Variants in LRRN2 observed in about 807,000 individuals in gnomAD.
LRRN2 encodes the protein leucine-rich repeat neuronal protein 2.
LRRN2 carries 10 observed loss-of-function variants against 35.7 expected under a neutral mutation model. The observed-to-expected ratio is 0.28, with a 90% confidence interval of 0.17 to 0.47. The LOEUF is 0.47. Among genes scored for constraint, LRRN2 ranks in the 20% least tolerant of loss-of-function variants. The pLI, the probability that LRRN2 is intolerant of heterozygous loss-of-function variation, is 0.99. For synonymous variants in LRRN2, 391 were observed against 409.6 expected, an observed-to-expected ratio of 0.95 and a Z score of 0.55; for missense variants, 731 against 940.3, an observed-to-expected ratio of 0.78 and a Z score of 2.91.
At position 204,630,320 on chromosome 1, in the gene LRRN2, G is replaced by C. The variant is rs75991709; in HGVS notation, c.-226-10102C>G. On this transcript the variant is annotated intron_variant, in intron 1 of 1. Coordinates refer to ENST00000367177, the MANE Select transcript of LRRN2 (RefSeq NM_201630.2). ...TCAGGGAAGGGTCGGGTGGGGGTGGGTGAGGCCTGGTCGGAGGGGCTGGGC... is the reference window on the plus strand; with the variant it reads ...TCAGGGAAGGGTCGGGTGGGGGTGGCTGAGGCCTGGTCGGAGGGGCTGGGC... Among the ~76,000 whole-genome samples, 656 of 150,780 alleles carry C rather than the reference G, an allele frequency of 4.4e-3. 8 individuals are homozygous for C. The highest frequency in any genetic ancestry group is 4.8e-3 in the Non-Finnish European group (322 of 67,680).
chr1:204,644,034 A>G (rs1668043876), intron 1 of LRRN2, among the ~76,000 whole-genome samples: 1 of 152,154 alleles, frequency 6.6e-6, no homozygotes, highest in Non-Finnish European at 1.5e-5. Flanking sequence ...AGTATCTAGC[A>G]TGCAACAGGC....
chr1:204,636,384 G>A (rs534061003), intron 1 of LRRN2, among the ~76,000 whole-genome samples: 13 of 152,290 alleles, frequency 8.5e-5, no homozygotes, highest in African/African-American at 2.6e-4. Context: ...TTTGCATCCC[G>A]TTATCTCTGT....
rs1228951603 is a variant in LRRN2, at chr1:204,619,587, T to G, written c.406A>C (p.Ser136Arg). The change falls in exon 2 of 2, where the codon AGC becomes CGC. Residue 136 changes from serine to arginine, a missense_variant. By Grantham distance (110) the Ser-to-Arg change is moderately radical. Coordinates refer to ENST00000367177, the MANE Select transcript of LRRN2 (RefSeq NM_201630.2). ...ENQLTRLEDH[S>R]FAGLASLQEL... ...TGTAGGCTGGCCAGCCCTGCAAAGCTGTGGTCCTCCAGCCGGGTCAGCTGG... is the reference window on the plus strand; with the variant it reads ...TGTAGGCTGGCCAGCCCTGCAAAGCGGTGGTCCTCCAGCCGGGTCAGCTGG... 7 of 1,613,994 alleles carry G rather than the reference T, an allele frequency of 4.3e-6. No homozygotes were observed. The highest frequency in any genetic ancestry group is 5.9e-6 in the Non-Finnish European group (7 of 1,180,026).
intron 1 of LRRN2, among the ~76,000 whole-genome samples, chr1:204,622,785 A>T (rs1400381557): frequency 6.6e-6 from 1 of 152,172 alleles, no homozygotes; most frequent in Non-Finnish European, 1.5e-5. Context: ...GTGAGAGAGC[A>T]GACCTACCGG....
chr1:204,642,763 A>T (rs1668011703), intron 1 of LRRN2, among the ~76,000 whole-genome samples: 1 of 152,232 alleles, frequency 6.6e-6, no homozygotes, highest in Admixed American at 6.5e-5. Flanking sequence ...AGGCAGCTCT[A>T]TTAAGAGCAC....
At chr1:204,685,280 G>A (rs1669047029) in intron 1 of LRRN2, 40 bp downstream of exon 1, 1 of 152,242 alleles carries the variant, frequency 6.6e-6, no homozygotes. Context: ...CCCCGGCGGC[G>A]GCGGCGCTGC....
At chr1:204,645,951 G>A (rs1360298000) in intron 1 of LRRN2, among the ~76,000 whole-genome samples, 1 of 152,136 alleles carries the variant, frequency 6.6e-6, no homozygotes. Flanking sequence ...GTGATATTTG[G>A]GTGGGGAGAG....
At chr1:204,685,158 G>C (rs1215997074) in intron 1 of LRRN2, among the ~76,000 whole-genome samples, 162 bp downstream of exon 1, 1 of 152,198 alleles carries the variant, frequency 6.6e-6, no homozygotes, top group Non-Finnish European at 1.5e-5. Context: ...CCCCCACCCG[G>C]GTCAGGCGGA....
chr1:204,668,936 G>C (rs1029694208), intron 1 of LRRN2, among the ~76,000 whole-genome samples: 1 of 152,152 alleles, frequency 6.6e-6, no homozygotes, highest in Non-Finnish European at 1.5e-5. Flanking sequence ...CGAACCTCCT[G>C]CCTCAGTCTC....
chr1:204,638,782 C>A (rs1667909468), intron 1 of LRRN2, among the ~76,000 whole-genome samples: 2 of 152,124 alleles, frequency 1.3e-5, no homozygotes, highest in African/African-American at 2.4e-5. Context: ...ATCTTTAGGG[C>A]CCCATGATGC....
chr1:204,678,580 C>T (rs1417690114), intron 1 of LRRN2, among the ~76,000 whole-genome samples: 2 of 151,438 alleles, frequency 1.3e-5, no homozygotes, highest in Non-Finnish European at 2.9e-5. Flanking sequence ...GACCCTCTGA[C>T]TTTATCTCCT....
chr1:204,633,375 C>T (rs1012254568), intron 1 of LRRN2: 2 of 152,224 alleles, frequency 1.3e-5, no homozygotes, highest in Non-Finnish European at 2.9e-5. Context: ...CCATTATCCT[C>T]ATTTTAGTGG....
chr1:204,675,122 T>C (rs1440232979), intron 1 of LRRN2, among the ~76,000 whole-genome samples: 1 of 152,152 alleles, frequency 6.6e-6, no homozygotes, highest in Non-Finnish European at 1.5e-5. Flanking sequence ...TTTCATTGTC[T>C]GGAGAATTAG....
intron 1 of LRRN2, among the ~76,000 whole-genome samples, chr1:204,680,029 AG>A (rs2102245848): frequency 6.6e-6 from 1 of 152,298 alleles, no homozygotes; most frequent in Admixed American, 6.5e-5. Context: ...TCCAGGCCCA[AG>A]GAACACCAGA....
chr1:204,675,756 A>T (rs540154848), intron 1 of LRRN2, among the ~76,000 whole-genome samples: 9 of 152,374 alleles, frequency 5.9e-5, no homozygotes, highest in African/African-American at 2.2e-4. Context: ...GGGGCCCATT[A>T]TTCTGCCTAC....
chr1:204,638,402 C>CCTTTTTT (rs1667891309), intron 1 of LRRN2, among the ~76,000 whole-genome samples: 1 of 71,688 alleles, frequency 1.4e-5, no homozygotes, highest in Non-Finnish European at 2.4e-5. Context: ...CAAGGTCTTC[C>CCTTTTTT]TTTTTTTTTT....
intron 1 of LRRN2, among the ~76,000 whole-genome samples, chr1:204,652,193 G>GAGA (rs1668242200): frequency 6.6e-6 from 1 of 152,098 alleles, no homozygotes; most frequent in Non-Finnish European, 1.5e-5. Context: ...AAAGGGAGAC[G>GAGA]GAAAAACGGA....
chr1:204,644,050 A>G (rs913332319), intron 1 of LRRN2, among the ~76,000 whole-genome samples: 4 of 152,212 alleles, frequency 2.6e-5, no homozygotes, highest in Admixed American at 1.3e-4. Flanking sequence ...CAGGCACTCA[A>G]TAAATGGGTT....
chr1:204,636,289 T>G (rs891751761), intron 1 of LRRN2, among the ~76,000 whole-genome samples: 2 of 152,168 alleles, frequency 1.3e-5, no homozygotes, highest in Non-Finnish European at 2.9e-5. Context: ...CCCCCAATAA[T>G]GCTAACATGA....
Sources: gnomAD v4.1 joint callset for allele counts (sites outside exome capture counted in the v4.1 genomes callset) on GRCh38, gnomAD v4.1.1 for gene constraint, MANE v1.5 for transcripts, NCBI Gene and HGNC (gene_info 2026-07-23, HGNC 2026-07-21) for gene names.